The following EVI5 variants were observed in gnomAD, a reference collection of about 807,000 sequenced individuals.
EVI5 encodes ecotropic viral integration site 5.
Under a neutral mutation model 112.0 loss-of-function variants are expected in EVI5, and 73 were observed. The ratio of observed to expected loss-of-function variants is 0.65; its 90% confidence interval spans 0.54 to 0.79. The LOEUF (loss-of-function observed/expected upper bound fraction) is 0.79. EVI5 is among the 30% of genes least tolerant of loss of function. The probability of loss-of-function intolerance (pLI) is 0.00; values close to 1 mark genes in which losing one functional copy is unlikely to be tolerated. For synonymous variants in EVI5, 305 were observed against 319.9 expected, an observed-to-expected ratio of 0.95 and a Z score of 0.50; for missense variants, 900 against 968.8, an observed-to-expected ratio of 0.93 and a Z score of 0.94.
intron 11 of EVI5, 30 bp from the exon 12 acceptor site, chr1:92,663,482 TAAGAGA>T: frequency 8.5e-7 from 1 of 1,177,978 alleles, no homozygotes; most frequent in Non-Finnish European, 1.2e-6. Context: ...GATAGAAATA[TAAGAGA>T]AAGAAATAAA....
rs190399943 is a variant in EVI5 at position 92,704,510 on chromosome 1, G to A, written c.339+45C>T. The A allele has an allele frequency of 1.3e-3, 1,536 of 1,215,102 alleles. 1 individual carries two copies. The highest frequency in any genetic ancestry group is 1.6e-3 in the Non-Finnish European group (1,375 of 874,668). The allele number at this position is 1,215,102 out of a possible 1,614,324, so 75.3% of individuals were successfully genotyped here. A position where few individuals can be genotyped will look rare whatever the true frequency, so the allele number is the denominator to read the frequency against. On this transcript the variant is annotated intron_variant, in intron 3 of 19. Transcript: ENST00000684568. ...AATCCTCTATTAAGTTATGTCTGAC[G>A]CACTATGGAATAAGAATAAGAACTT...
Position 92,510,014 on chromosome 1 carries a change from G to A in EVI5, c.*3642C>T, listed in dbSNP as rs201771713. On this transcript the variant is annotated 3_prime_UTR_variant, in exon 20 of 20. Coordinates refer to ENST00000684568, the MANE Select transcript of EVI5 (RefSeq NM_001350197.2). ...TTGAATGAAAAGGAGTCAAACCAAG[G>A]CATAATATCCTATTGCATCCTAAAG... 2 of 152,126 alleles carry A rather than the reference G, an allele frequency of 1.3e-5. No individual in the cohort carries two copies. The highest frequency in any genetic ancestry group is 6.5e-5 in the Admixed American group (1 of 15,274). 9.4% of individuals were successfully genotyped at this position (152,126 alleles called of 1,614,324 possible).
chr1:92,786,453 T>C (rs1219541534), upstream of EVI5, among the ~76,000 whole-genome samples: 2 of 152,146 alleles, frequency 1.3e-5, no homozygotes, highest in East Asian at 3.8e-4. Context: ...AAAACTAAGC[T>C]ACATCCTTGA....
At chr1:92,705,740 T>C (rs1223119468) in intron 2 of EVI5, among the ~76,000 whole-genome samples, 2 of 152,232 alleles carry the variant, frequency 1.3e-5, no homozygotes, top group East Asian at 3.8e-4. Context: ...CACTATTTTA[T>C]ATAGCTACTA....
intron 1 of EVI5, among the ~76,000 whole-genome samples, chr1:92,790,832 A>G (rs1210100301): frequency 6.6e-6 from 1 of 152,096 alleles, no homozygotes; most frequent in Non-Finnish European, 1.5e-5. Context: ...TCAAAAAAAA[A>G]AAAAAGGAAA....
chr1:92,651,124 G>T (rs917145427), intron 13 of EVI5, among the ~76,000 whole-genome samples: 1 of 152,102 alleles, frequency 6.6e-6, no homozygotes, highest in African/African-American at 2.4e-5. Flanking sequence ...AGCAGTCTTC[G>T]TTTTTCTTGT....
chr1:92,693,804 T>A lies in EVI5; in HGVS notation c.1095A>T (p.Lys365Asn). The A allele has an allele frequency of 6.4e-7, 1 of 1,551,404 alleles. No homozygotes were observed. The highest frequency in any genetic ancestry group is 8.9e-7 in the Non-Finnish European group (1 of 1,129,428). Residue 365 changes from lysine (K) to asparagine (N), a missense_variant and splice_region_variant, in exon 9 of 20, where the codon AAA (lysine) becomes AAT (asparagine). Transcript: ENST00000684568. Reference protein sequence around the residue: ...YQVKYNSKKMKKLEKEYTTIK... With the variant: ...YQVKYNSKKMNKLEKEYTTIK... ...CAACAAAAATATAAAATACTTACTT[T>A]TTCATTTTTTTTGAATTGTATTTGA...
chr1:92,695,373 A>G lies in EVI5; in HGVS notation c.846T>C (p.Thr282=). 1.2e-6 allele frequency: 2 copies of G among 1,607,812 alleles called. No homozygotes were observed. The highest frequency in any genetic ancestry group is 1.7e-5 in the Admixed American group (1 of 59,934). Residue 282 remains threonine (T), a synonymous_variant, in exon 7 of 20, where the codon ACT becomes ACC. Transcript: ENST00000684568. Reference sequence around the variant, plus strand: ...GTAGTGGAAAAGTTGTAAGAAAGATAGTCAGAAACCAGGATGATGCATACA... The same window carrying G: ...GTAGTGGAAAAGTTGTAAGAAAGATGGTCAGAAACCAGGATGATGCATACA... ...TSMYASSWFL[T]IFLTTFPLPI... is the part of the protein sequence containing the mutation.
At position 92,681,396 on chromosome 1, in the gene EVI5, G is replaced by A. The variant is rs373516581; in HGVS notation, c.1098-4178C>T. Among the ~76,000 whole-genome samples, 106 of 152,254 alleles carry A rather than the reference G, an allele frequency of 7.0e-4. 1 individual carries two copies. Among genetic ancestry groups the A allele is most frequent in the African/African-American group, 2.4e-3 (101 of 41,558 alleles). ...GATAATAAAGCAAATGGGATGAAAT[G>A]TAAACAATTGGTGAATCTTGGTAAA... On this transcript the variant is annotated intron_variant, in intron 9 of 19. Transcript: ENST00000684568.
At chr1:92,682,353 C>T (rs950735023) in intron 9 of EVI5, among the ~76,000 whole-genome samples, 10 of 152,114 alleles carry the variant, frequency 6.6e-5, no homozygotes, top group South Asian at 2.1e-4. Context: ...CTTCATGGCA[C>T]GTTCACTGAT....
At chr1:92,576,918 A>C (rs987338245) in intron 18 of EVI5, among the ~76,000 whole-genome samples, 3 of 152,218 alleles carry the variant, frequency 2.0e-5, no homozygotes, top group African/African-American at 4.8e-5. Flanking sequence ...GAGCATTTAA[A>C]ACTTGTCAGA....
intron 1 of EVI5, among the ~76,000 whole-genome samples, chr1:92,773,473 AG>A (rs776450125): frequency 1.3e-4 from 20 of 152,154 alleles, no homozygotes; most frequent in Admixed American, 5.2e-4. Flanking sequence ...ACTGGGCAAC[AG>A]AGCAAGACCC....
intron 1 of EVI5, among the ~76,000 whole-genome samples, chr1:92,746,918 A>G (rs919170086): frequency 1.3e-5 from 2 of 151,906 alleles, no homozygotes; most frequent in African/African-American, 2.4e-5. Context: ...AAGTTTTTTT[A>G]AAAAAGAAGT....
intron 1 of EVI5, among the ~76,000 whole-genome samples, chr1:92,744,186 G>A (rs1040702283): frequency 4.6e-5 from 7 of 152,222 alleles, no homozygotes; most frequent in South Asian, 4.1e-4. Flanking sequence ...TAATTCCACC[G>A]TGGTCTGAGA....
intron 1 of EVI5, among the ~76,000 whole-genome samples, chr1:92,757,532 C>T (rs1418007002): frequency 1.3e-5 from 2 of 151,680 alleles, no homozygotes; most frequent in Non-Finnish European, 2.9e-5. Flanking sequence ...ACATAACTTC[C>T]TATTATAAAT....
chr1:92,772,413 A>C (rs112783550), intron 1 of EVI5, among the ~76,000 whole-genome samples: 9 of 151,282 alleles, frequency 5.9e-5, no homozygotes, highest in Non-Finnish European at 1.0e-4. Context: ...TGGCTAACAC[A>C]GTGAAACCCT....
At chr1:92,541,296 TAA>T (rs145591260) in intron 19 of EVI5, among the ~76,000 whole-genome samples, 744 of 152,208 alleles carry the variant, frequency 4.9e-3, no homozygotes, top group African/African-American at 0.017. Flanking sequence ...AACTCAATTA[TAA>T]AAAGACAATC....
chr1:92,783,504 A>G (rs1183758710), intron 1 of EVI5, among the ~76,000 whole-genome samples: 5 of 150,036 alleles, frequency 3.3e-5, no homozygotes, highest in Non-Finnish European at 7.4e-5. Flanking sequence ...AAAAAAAAAA[A>G]AAAGAAAAGA....
At chr1:92,783,814 AAAAAAAAAAAAAG>A (rs1410971706) in intron 1 of EVI5, among the ~76,000 whole-genome samples, 3 of 145,544 alleles carry the variant, frequency 2.1e-5, no homozygotes, top group Non-Finnish European at 3.1e-5. Flanking sequence ...CTGTCAAAAA[AAAAAAAAAAAAAG>A]AAAAGAAAAG....
Sources: gnomAD v4.1 joint callset for allele counts (sites outside exome capture counted in the v4.1 genomes callset) on GRCh38, gnomAD v4.1.1 for gene constraint, MANE v1.5 for transcripts, NCBI Gene and HGNC (gene_info 2026-07-23, HGNC 2026-07-21) for gene names.